The following OTUD7A variants were observed in gnomAD, a reference collection of about 807,000 sequenced individuals.
The protein encoded by OTUD7A is OTU deubiquitinase 7A.
Under a neutral mutation model 65.7 loss-of-function variants are expected in OTUD7A, and 12 were observed. The ratio of observed to expected loss-of-function variants is 0.18; its 90% confidence interval spans 0.12 to 0.30. The LOEUF is 0.30. Ranked by LOEUF, OTUD7A falls within the 10% of genes least tolerant of loss-of-function variation. OTUD7A has a pLI of 1.00. For missense variants in OTUD7A, 1,148 were observed against 1,304.8 expected (o/e 0.88, Z 1.85); for synonymous variants, 641 against 586.3 (o/e 1.09, Z -1.35).
Position 31,487,580 on chromosome 15 carries a change from G to C in OTUD7A, c.1172-14C>G. 1 of 1,607,670 alleles carries C rather than the reference G, an allele frequency of 6.2e-7. No homozygotes were observed. The highest frequency in any genetic ancestry group is 8.5e-7 in the Non-Finnish European group (1 of 1,176,768). On this transcript the variant is annotated splice_polypyrimidine_tract_variant and intron_variant, in intron 10 of 12. Transcript: ENST00000307050. The surrounding 1 kb of genome is among the most constrained non-coding windows in gnomAD (Gnocchi z 6.0). ...GGGGGATCACGGCTGGAACAGAAGA[G>C]ACAGAGCCGTGCTTGGAGCCCCGGC...
chr15:31,655,346 G>GGGT, intron 2 of OTUD7A, 96 bp from the exon 3 acceptor site: 1 of 591,810 alleles, frequency 1.7e-6, no homozygotes, highest in Non-Finnish European at 2.9e-6. Flanking sequence ...GAACCCTCGA[G>GGGT]GGTGGAGCCA....
intron 1 of OTUD7A, among the ~76,000 whole-genome samples, chr15:31,685,404 G>C (rs1892812353): frequency 6.6e-6 from 1 of 152,130 alleles, no homozygotes; most frequent in African/African-American, 2.4e-5. Context: ...CCAGCACTTT[G>C]GGAGACCAAG....
intron 1 of OTUD7A, among the ~76,000 whole-genome samples, chr15:31,785,556 T>C (rs1595767087): frequency 6.6e-6 from 1 of 152,178 alleles, no homozygotes; most frequent in East Asian, 1.9e-4. Flanking sequence ...ACACCTATTA[T>C]CCTGACCAAC....
At chr15:31,774,750 A>T (rs1023111316) in intron 1 of OTUD7A, among the ~76,000 whole-genome samples, 2 of 152,188 alleles carry the variant, frequency 1.3e-5, no homozygotes, top group Non-Finnish European at 2.9e-5. Context: ...ACTATCAGCC[A>T]CTTAAGTTTC....
chr15:31,772,926 T>C (rs1285386941), intron 1 of OTUD7A, among the ~76,000 whole-genome samples: 1 of 152,186 alleles, frequency 6.6e-6, no homozygotes, highest in Non-Finnish European at 1.5e-5. Flanking sequence ...ACAGGAACAC[T>C]TTGTTTCAAT....
chr15:31,756,815 C>A (rs1458640927), intron 1 of OTUD7A, among the ~76,000 whole-genome samples: 7 of 152,178 alleles, frequency 4.6e-5, no homozygotes. Context: ...CTTCTGGCCT[C>A]ACACCAGCTA....
chr15:31,569,050 T>C (rs1182250707), intron 4 of OTUD7A, among the ~76,000 whole-genome samples: 1 of 152,192 alleles, frequency 6.6e-6, no homozygotes, highest in Non-Finnish European at 1.5e-5. Context: ...CACCATACAT[T>C]GTAATTTCCA....
At chr15:31,822,862 C>T (rs924011785) in intron 1 of OTUD7A, among the ~76,000 whole-genome samples, 4 of 152,150 alleles carry the variant, frequency 2.6e-5, no homozygotes, top group Non-Finnish European at 4.4e-5. Context: ...CGTACCCTAA[C>T]GGAGGACTCT....
At chr15:31,675,376 T>C (rs1274537026) in intron 1 of OTUD7A, among the ~76,000 whole-genome samples, 1 of 152,182 alleles carries the variant, frequency 6.6e-6, no homozygotes, top group Non-Finnish European at 1.5e-5. Context: ...TCTGCCATAA[T>C]GTCTCCTCTC....
chr15:31,858,255 G>A (rs1383014478), intron 1 of OTUD7A, among the ~76,000 whole-genome samples: 1 of 152,160 alleles, frequency 6.6e-6, no homozygotes, highest in Non-Finnish European at 1.5e-5. Flanking sequence ...GGAGACTGAG[G>A]CGGACCACAG....
intron 8 of OTUD7A, among the ~76,000 whole-genome samples, chr15:31,511,711 TATATATGTATATCTATATGTA>T: frequency 7.9e-6 from 1 of 126,726 alleles, no homozygotes; most frequent in Admixed American, 8.1e-5. Context: ...GTAACACACA[TATATATGTATATCTATATGTA>T]ACACACATAT....
chr15:31,743,107 T>C (rs1319801235), intron 1 of OTUD7A, among the ~76,000 whole-genome samples: 1 of 152,078 alleles, frequency 6.6e-6, no homozygotes, highest in African/African-American at 2.4e-5. Flanking sequence ...TATAACCTAA[T>C]TGTCATTTAC....
chr15:31,852,281 C>T (rs1436898207), intron 1 of OTUD7A, among the ~76,000 whole-genome samples: 1 of 152,184 alleles, frequency 6.6e-6, no homozygotes, highest in Non-Finnish European at 1.5e-5. Flanking sequence ...AAGGAAGTGC[C>T]CACAGGACAT....
At chr15:31,661,725 AC>A (rs1321539629) in intron 1 of OTUD7A, among the ~76,000 whole-genome samples, 1 of 152,222 alleles carries the variant, frequency 6.6e-6, no homozygotes, top group Non-Finnish European at 1.5e-5. Context: ...CCTAAAAATA[AC>A]AAAAATTCTT....
intron 5 of OTUD7A, among the ~76,000 whole-genome samples, chr15:31,545,695 T>C (rs1888109872): frequency 6.6e-6 from 1 of 152,138 alleles, no homozygotes; most frequent in Non-Finnish European, 1.5e-5. Flanking sequence ...AACCACTGTG[T>C]GGATACTCCT....
chr15:31,662,915 CTCAAA>C (rs1465871206), intron 1 of OTUD7A, among the ~76,000 whole-genome samples: 3 of 152,138 alleles, frequency 2.0e-5, no homozygotes, highest in African/African-American at 7.2e-5. Flanking sequence ...ATTTATCCTG[CTCAAA>C]TCAAAGCTAT....
At position 31,562,383 on chromosome 15, in the gene OTUD7A, C is replaced by T. The variant is rs1292240131; in HGVS notation, c.332-3196G>A. Among the ~76,000 whole-genome samples the T allele has an allele frequency of 2.0e-5, 3 of 152,346 alleles. No individual in the cohort carries two copies. The East Asian group carries it at 5.8e-4, about 29-fold the overall frequency. On this transcript the variant is annotated intron_variant, in intron 4 of 12. Transcript: ENST00000307050. ...CAGGGACCAGGCAGCCGGAGACAGG[C>T]CCTGGTACCTGGTACCTGGTGCCTC... is the stretch of plus-strand genomic sequence containing the variant.
intron 1 of OTUD7A, among the ~76,000 whole-genome samples, chr15:31,860,134 T>C (rs1897681001): frequency 6.6e-6 from 1 of 152,206 alleles, no homozygotes; most frequent in Admixed American, 6.5e-5. Context: ...AACTAATTTA[T>C]TTCATTCTTA....
In OTUD7A at chr15:31,483,158, T is replaced by C. The variant is rs1030226364; in HGVS notation, c.*136A>G. ...AGGTTCAGGCACCATTAGGAACGTT[T>C]GACCAAACACGTACACGGCACTGAC... is the stretch of plus-strand genomic sequence containing the variant. On this transcript the variant is annotated 3_prime_UTR_variant, in exon 13 of 13. Coordinates refer to ENST00000307050, the MANE Select transcript of OTUD7A (RefSeq NM_001382637.1). The C allele has an allele frequency of 4.1e-5, 36 of 867,504 alleles. No homozygotes were observed. The highest frequency in any genetic ancestry group is 5.0e-5 in the Non-Finnish European group (36 of 714,150). 53.7% of individuals were successfully genotyped at this position (867,504 alleles called of 1,614,324 possible).
Sources: allele counts gnomAD v4.1 joint callset (sites outside exome capture counted in the v4.1 genomes callset), GRCh38; gene constraint gnomAD v4.1.1; non-coding constraint Gnocchi (gnomAD v3.1); transcripts MANE v1.5; gene names NCBI Gene and HGNC (gene_info 2026-07-23, HGNC 2026-07-21).